MALRD1: variants seen among roughly 807,000 people sequenced by gnomAD.
MALRD1 encodes the protein MAM and LDL receptor class A domain containing 1.
Under a neutral mutation model 242.1 loss-of-function variants are expected in MALRD1, and 247 were observed. That is an observed-to-expected ratio of 1.02 (90% confidence interval 0.92 to 1.13). MALRD1 has a LOEUF of 1.13. Among genes scored for constraint, MALRD1 ranks in the 50% most tolerant of loss-of-function variants. The pLI, the probability that MALRD1 is intolerant of heterozygous loss-of-function variation, is 0.00. For missense variants in MALRD1, 2,989 were observed against 2,533.1 expected, an observed-to-expected ratio of 1.18 and a Z score of -3.86; for synonymous variants, 995 against 866.6, an observed-to-expected ratio of 1.15 and a Z score of -2.60.
intron 32 of MALRD1, 33 bp from the exon 33 acceptor site, chr10:19,567,469 T>C (rs1464106111): frequency 2.0e-6 from 3 of 1,527,446 alleles, no homozygotes; most frequent in African/African-American, 2.8e-5. Flanking sequence ...TAATATCCAA[T>C]CATAAAAAGT....
chr10:19,218,797 T>G (rs979766421), intron 18 of MALRD1, among the ~76,000 whole-genome samples: 16 of 152,114 alleles, frequency 1.1e-4, no homozygotes, highest in Admixed American at 9.8e-4. Context: ...TTCACAGAAG[T>G]AAATATAATC....
At chr10:19,211,672 C>A (rs1837074752) in intron 18 of MALRD1, among the ~76,000 whole-genome samples, 1 of 91,716 alleles carries the variant, frequency 1.1e-5, no homozygotes, top group Non-Finnish European at 1.9e-5. Flanking sequence ...GGCAACAAAG[C>A]ATGACTCCTC....
intron 36 of MALRD1, among the ~76,000 whole-genome samples, chr10:19,686,620 C>A (rs1022416779): frequency 7.2e-5 from 11 of 152,118 alleles, no homozygotes; most frequent in Admixed American, 2.6e-4. Context: ...TTTAGAGAGG[C>A]AGCTTAACAA....
intron 11 of MALRD1, among the ~76,000 whole-genome samples, chr10:19,148,359 A>G (rs1833801287): frequency 2.0e-5 from 3 of 152,070 alleles, no homozygotes. Flanking sequence ...CTTCAGTTTT[A>G]TTAGATAGAA....
chr10:19,241,420 G>A (rs531125342), intron 18 of MALRD1, among the ~76,000 whole-genome samples: 14 of 151,898 alleles, frequency 9.2e-5, no homozygotes, highest in Non-Finnish European at 1.8e-4. Context: ...CAGTTGTAAT[G>A]TCTCCTTTTT....
intron 21 of MALRD1, among the ~76,000 whole-genome samples, chr10:19,293,807 G>C (rs963284770): frequency 1.3e-5 from 2 of 152,156 alleles, no homozygotes; most frequent in Non-Finnish European, 2.9e-5. Flanking sequence ...TTGGGTACCA[G>C]CGTTATTACC....
At chr10:19,381,043 G>C (rs11009670) in intron 26 of MALRD1, among the ~76,000 whole-genome samples, 1 of 131,238 alleles carries the variant, frequency 7.6e-6, no homozygotes, top group Non-Finnish European at 1.6e-5. Context: ...ATATCTCCCA[G>C]TGCTATCCCT....
intron 26 of MALRD1, among the ~76,000 whole-genome samples, chr10:19,377,601 T>C (rs1452558983): frequency 6.6e-6 from 1 of 151,820 alleles, no homozygotes; most frequent in Non-Finnish European, 1.5e-5. Context: ...CTTATAAGCA[T>C]GACTAACAAC....
rs982560863 is a variant in MALRD1, at chr10:19,450,307, A to G, written c.4846A>G (p.Thr1616Ala). Residue 1616 changes from threonine to alanine, a missense_variant and splice_region_variant, in exon 29 of 40, where the codon ACA (threonine) becomes GCA (alanine). Thr to Ala is a moderately conservative substitution (Grantham distance 58, BLOSUM62 0). Coordinates refer to ENST00000454679, the MANE Select transcript of MALRD1 (RefSeq NM_001142308.3). Reference sequence around the variant, plus strand: ...CTCATACAAACTTCTTTACTTTCAGACAGAGAAAGGACTATCAAAAGTATG... The same window carrying G: ...CTCATACAAACTTCTTTACTTTCAGGCAGAGAAAGGACTATCAAAAGTATG... The part of the protein sequence containing the change: ...ATGSIQILIK[T>A]EKGLSKVWQE... 6.5e-7 allele frequency: 1 copy of G among 1,546,194 alleles called. No homozygotes were observed. Among genetic ancestry groups the G allele is most frequent in the Non-Finnish European group, 8.7e-7 (1 of 1,145,960 alleles).
intron 29 of MALRD1, among the ~76,000 whole-genome samples, chr10:19,490,057 T>C (rs781760622): frequency 7.2e-5 from 11 of 152,154 alleles, no homozygotes; most frequent in Non-Finnish European, 1.5e-4. Context: ...AAAATTTGCT[T>C]CCAAATTTTA....
intron 26 of MALRD1, among the ~76,000 whole-genome samples, chr10:19,354,425 A>G (rs1325469472): frequency 2.6e-5 from 4 of 152,128 alleles, no homozygotes; most frequent in African/African-American, 9.7e-5. Flanking sequence ...AAATACCAGG[A>G]GAAATATTTA....
intron 32 of MALRD1, among the ~76,000 whole-genome samples, chr10:19,555,490 A>G (rs898976321): frequency 1.3e-5 from 2 of 152,164 alleles, no homozygotes; most frequent in Non-Finnish European, 2.9e-5. Flanking sequence ...GTCAGAGGGA[A>G]AACATTTCAA....
At chr10:19,067,132 A>G (rs1835005865) in intron 2 of MALRD1, among the ~76,000 whole-genome samples, 1 of 152,194 alleles carries the variant, frequency 6.6e-6, no homozygotes, top group Admixed American at 6.5e-5. Context: ...CTGCTTAGAG[A>G]ATAATTGGGA....
chr10:19,492,836 G>A (rs1837551793), intron 30 of MALRD1, among the ~76,000 whole-genome samples: 1 of 152,036 alleles, frequency 6.6e-6, no homozygotes, highest in African/African-American at 2.4e-5. Context: ...AGGTTGTAGG[G>A]TGACCTTTTT....
chr10:19,705,332 A>G (rs1197436067), intron 38 of MALRD1, among the ~76,000 whole-genome samples: 1 of 152,204 alleles, frequency 6.6e-6, no homozygotes, highest in Non-Finnish European at 1.5e-5. Flanking sequence ...ACGAGTGAGC[A>G]TGTCCTGGTC....
At chr10:19,712,956 TTTTTTTG>T (rs892786526) in intron 38 of MALRD1, among the ~76,000 whole-genome samples, 23 of 152,274 alleles carry the variant, frequency 1.5e-4, no homozygotes, top group African/African-American at 4.6e-4. Flanking sequence ...TCTGTTTTTG[TTTTTTTG>T]TTTTTTGTTT....
chr10:19,341,512 GTGTGTATATATGTATATA>G (rs1564577209), intron 24 of MALRD1, among the ~76,000 whole-genome samples: 2 of 126,386 alleles, frequency 1.6e-5, no homozygotes, highest in Non-Finnish European at 3.4e-5. Context: ...GTATATATAT[GTGTGTATATATGTATATA>G]TATACACACA....
chr10:19,444,896 A>C (rs893026028), intron 28 of MALRD1, among the ~76,000 whole-genome samples: 1 of 152,166 alleles, frequency 6.6e-6, no homozygotes, highest in African/African-American at 2.4e-5. Flanking sequence ...TATCCTGCAG[A>C]GTATTTTCCA....
chr10:19,277,798 G>A (rs1196511900), intron 19 of MALRD1, among the ~76,000 whole-genome samples: 3 of 152,166 alleles, frequency 2.0e-5, no homozygotes, highest in Non-Finnish European at 4.4e-5. Flanking sequence ...ACTTTCCCCA[G>A]ATTCCCAACA....
Sources: gnomAD v4.1 joint callset for allele counts (sites outside exome capture counted in the v4.1 genomes callset) on GRCh38, gnomAD v4.1.1 for gene constraint, MANE v1.5 for transcripts, NCBI Gene and HGNC (gene_info 2026-07-23, HGNC 2026-07-21) for gene names.